The following GTF3C5 variants were observed in gnomAD, a reference collection of about 807,000 sequenced individuals.
GTF3C5 encodes the protein general transcription factor IIIC subunit 5.
A neutral mutation model predicts 61.0 loss-of-function variants in GTF3C5; 47 were observed. The observed-to-expected ratio is 0.77, with a 90% CI of 0.61 to 0.98. The LOEUF (loss-of-function observed/expected upper bound fraction) is 0.98, where lower values mean the gene tolerates loss of function less well. Ranked by LOEUF, GTF3C5 falls within the 50% of genes least tolerant of loss-of-function variation. The pLI is 0.00. For missense variants in GTF3C5, 659 were observed against 703.3 expected (o/e 0.94, Z 0.71); for synonymous variants, 295 against 275.4 (o/e 1.07, Z -0.71).
At chr9:133,053,691 TG>T (rs1352852681) in intron 5 of GTF3C5, 136 bp from the exon 6 acceptor site, 4 of 529,318 alleles carry the variant, frequency 7.6e-6, no homozygotes, top group Non-Finnish European at 1.0e-5. Context: ...AGGGCCTGCA[TG>T]TGGCAGAGCA....
At chr9:133,037,237 T>C (rs2118978119) in intron 1 of GTF3C5, among the ~76,000 whole-genome samples, 1 of 152,230 alleles carries the variant, frequency 6.6e-6, no homozygotes, top group South Asian at 2.1e-4. Flanking sequence ...TGTAAACCAC[T>C]GATGGTCGTA....
intron 1 of GTF3C5, among the ~76,000 whole-genome samples, chr9:133,036,646 A>G (rs1199184109): frequency 6.6e-6 from 1 of 152,090 alleles, no homozygotes; most frequent in East Asian, 1.9e-4. Context: ...TAGTTCTTCA[A>G]CCTGGTGGAT....
At chr9:133,050,177 C>G (rs1850327816) in intron 3 of GTF3C5, among the ~76,000 whole-genome samples, 1 of 152,048 alleles carries the variant, frequency 6.6e-6, no homozygotes, top group African/African-American at 2.4e-5. Context: ...GATGGGAGTC[C>G]CAGCTCCTTC....
intron 8 of GTF3C5, chr9:133,055,321 G>A (rs1374427905): frequency 7.3e-7 from 1 of 1,370,378 alleles, no homozygotes. Context: ...CCGAGAAGGG[G>A]GCATCCCGCA....
intron 1 of GTF3C5, among the ~76,000 whole-genome samples, chr9:133,040,227 T>C (rs549522188): frequency 3.9e-5 from 6 of 152,340 alleles, no homozygotes; most frequent in African/African-American, 1.2e-4. Context: ...GTGTGTTTTA[T>C]GAGGAGGAGA....
intron 3 of GTF3C5, chr9:133,044,146 CAAAAAAAAAAAAA>C (rs34524914): frequency 6.7e-4 from 73 of 108,528 alleles, no homozygotes; most frequent in Non-Finnish European, 7.2e-4. Flanking sequence ...CTTTGTCTCC[CAAAAAAAAAAAAA>C]AAAAAAAAAA....
chr9:133,042,227 G>A lies in GTF3C5; in HGVS notation c.294G>A (p.Val98=). Residue 98 remains valine (V), a synonymous_variant, in exon 2 of 11, where the codon GTG becomes GTA. Transcript: ENST00000372097. ...IRKRTRRQKG[V]LGTEAHSEVT... ...AGAGAACGAGGCGGCAGAAAGGGGT[G>A]CTGGGCACTGAGGCCCACTCCGAGG... 6.2e-7 allele frequency: 1 copy of A among 1,613,804 alleles called. No individual in the cohort carries two copies. Among genetic ancestry groups the A allele is most frequent in the East Asian group, 2.2e-5 (1 of 44,878 alleles).
At chr9:133,050,517 A>C (rs895868317) in intron 3 of GTF3C5, among the ~76,000 whole-genome samples, 5 of 152,018 alleles carry the variant, frequency 3.3e-5, no homozygotes, top group South Asian at 4.1e-4. Flanking sequence ...AGCCTCTAGG[A>C]CCTTTTGGCC....
chr9:133,054,298 C>T (rs1330280232), intron 6 of GTF3C5, 110 bp from the exon 7 acceptor site: 2 of 862,814 alleles, frequency 2.3e-6, no homozygotes, highest in Non-Finnish European at 3.8e-6. Flanking sequence ...TGGGGTTGCC[C>T]TCTCAGGAGC....
At chr9:133,040,384 C>T (rs1850002171) in intron 1 of GTF3C5, among the ~76,000 whole-genome samples, 1 of 152,182 alleles carries the variant, frequency 6.6e-6, no homozygotes, top group Non-Finnish European at 1.5e-5. Flanking sequence ...CTTTCATATG[C>T]ACACATCCAG....
intron 1 of GTF3C5, among the ~76,000 whole-genome samples, chr9:133,032,436 A>G (rs1224040408): frequency 6.6e-6 from 1 of 152,236 alleles, no homozygotes; most frequent in Non-Finnish European, 1.5e-5. Flanking sequence ...AACTAAGGGC[A>G]AGGAGGCACA....
chr9:133,031,055 C>A lies in GTF3C5; in HGVS notation c.44C>A (p.Pro15His), dbSNP rs745917354. The A allele has an allele frequency of 3.7e-6, 6 of 1,612,266 alleles. No homozygotes were observed. The highest frequency in any genetic ancestry group is 2.2e-5 in the East Asian group (1 of 44,852). ...GATTTGGGGCTGGGGGCCGCCGTCCCCGTGGAGCTGAGGCGGGAGCGACGC... is the reference window on the plus strand; with the variant it reads ...GATTTGGGGCTGGGGGCCGCCGTCCACGTGGAGCTGAGGCGGGAGCGACGC... ...AADLGLGAAV[P>H]VELRRERRMV... The change falls in exon 1 of 11, where the codon CCC becomes CAC. Residue 15 changes from proline (P) to histidine (H), a missense_variant. Pro to His is a moderately conservative substitution (Grantham distance 77). Coordinates refer to ENST00000372097, the MANE Select transcript of GTF3C5 (RefSeq NM_012087.4).
At chr9:133,055,028 G>T (rs1378133349) in intron 8 of GTF3C5, 3 of 1,551,642 alleles carry the variant, frequency 1.9e-6, no homozygotes, top group Middle Eastern at 1.7e-4. Context: ...AAGAGGTGGT[G>T]ACAAGTCTCA....
At position 133,031,269 on chromosome 9, in the gene GTF3C5, G is replaced by A. The variant is rs1180881082; in HGVS notation, c.153+105G>A. ...AGGGAAATTTAGCAAATTTACTTAC[G>A]CAGAAGGGTGCTGCTCGCTCTTCTG... On this transcript the variant is annotated intron_variant, in intron 1 of 10. Coordinates refer to ENST00000372097, the MANE Select transcript of GTF3C5 (RefSeq NM_012087.4). 2.9e-5 allele frequency: 26 copies of A among 911,492 alleles called. No individual in the cohort carries two copies. In the Admixed American group the frequency reaches 6.3e-4, roughly 22 times the overall value. The allele number at this position is 911,492 out of a possible 1,614,324, so 56.5% of individuals were successfully genotyped here.
chr9:133,052,779 TC>T (rs1850425056), intron 5 of GTF3C5, among the ~76,000 whole-genome samples: 3 of 152,200 alleles, frequency 2.0e-5, no homozygotes, highest in South Asian at 2.1e-4. Context: ...TTGTTGGACT[TC>T]CGGCTCAGGA....
At chr9:133,054,291 G>A in intron 6 of GTF3C5, 117 bp from the exon 7 acceptor site, 2 of 793,210 alleles carry the variant, frequency 2.5e-6, no homozygotes, top group African/African-American at 1.7e-5. Context: ...GGCAGTCTGG[G>A]GTTGCCCTCT....
chr9:133,056,956 C>T (rs1829957145), intron 10 of GTF3C5, 48 bp downstream of exon 10: 2 of 1,517,166 alleles, frequency 1.3e-6, no homozygotes, highest in East Asian at 2.4e-5. Context: ...TGGTGATCTC[C>T]TTTGAGACAG....
At chr9:133,052,953 C>T (rs2119026606) in intron 5 of GTF3C5, among the ~76,000 whole-genome samples, 1 of 152,294 alleles carries the variant, frequency 6.6e-6, no homozygotes, top group South Asian at 2.1e-4. Context: ...CTGCCTCAGC[C>T]TCCTAAGTAG....
chr9:133,031,249 A>G (rs950482839), intron 1 of GTF3C5, 85 bp downstream of exon 1: 1 of 1,210,216 alleles, frequency 8.3e-7, no homozygotes, highest in African/African-American at 1.5e-5. Context: ...CAGCAAGGGA[A>G]ATTTAGCAAA....
Sources: gnomAD v4.1 joint callset for allele counts (sites outside exome capture counted in the v4.1 genomes callset) on GRCh38, gnomAD v4.1.1 for gene constraint, MANE v1.5 for transcripts, NCBI Gene and HGNC (gene_info 2026-07-23, HGNC 2026-07-21) for gene names.